FHIT: variants seen among roughly 807,000 people sequenced by gnomAD.
FHIT encodes fragile histidine triad diadenosine triphosphatase.
In FHIT, 19 loss-of-function variants were observed where a neutral mutation model predicts 17.9. That is an observed-to-expected ratio of 1.06 (90% CI 0.74 to 1.56). The LOEUF (loss-of-function observed/expected upper bound fraction) is 1.56. Ranked by LOEUF, FHIT falls within the 40% of genes most tolerant of loss-of-function variation. FHIT has a pLI of 0.00. For missense variants in FHIT, 248 were observed against 189.2 expected, an observed-to-expected ratio of 1.31 and a Z score of -1.82; for synonymous variants, 81 against 69.7, an observed-to-expected ratio of 1.16 and a Z score of -0.81.
At chr3:60,664,166 G>C (rs2040327163) in intron 4 of FHIT, among the ~76,000 whole-genome samples, 1 of 152,110 alleles carries the variant, frequency 6.6e-6, no homozygotes, top group South Asian at 2.1e-4. Flanking sequence ...GTTGGATTTT[G>C]TCAGACGCCT....
At chr3:60,520,389 G>C (rs1017484953) in intron 5 of FHIT, among the ~76,000 whole-genome samples, 3 of 152,084 alleles carry the variant, frequency 2.0e-5, no homozygotes, top group Non-Finnish European at 4.4e-5. Context: ...AGTAGTATCA[G>C]AACTACATTA....
At chr3:59,929,018 A>G (rs982724954) in intron 7 of FHIT, among the ~76,000 whole-genome samples, 18 of 150,784 alleles carry the variant, frequency 1.2e-4, no homozygotes, top group African/African-American at 4.1e-4. Flanking sequence ...AAAAAAAAAA[A>G]AAGGACAGAT....
At chr3:60,435,699 T>C (rs568067154) in intron 5 of FHIT, among the ~76,000 whole-genome samples, 81 of 152,120 alleles carry the variant, frequency 5.3e-4, no homozygotes, top group Middle Eastern at 3.2e-3. Context: ...GCAGGTTTCT[T>C]ACACAGGTAA....
chr3:60,016,025 T>C (rs17061814), intron 5 of FHIT, among the ~76,000 whole-genome samples: 3,821 of 152,296 alleles, frequency 0.025, 149 homozygotes, highest in African/African-American at 0.085. Flanking sequence ...ACAGATGCAA[T>C]ATAATTTAAT....
chr3:60,144,066 A>AATC (rs1576194175), intron 5 of FHIT, among the ~76,000 whole-genome samples: 1 of 152,160 alleles, frequency 6.6e-6, no homozygotes, highest in African/African-American at 2.4e-5. Flanking sequence ...CTGAGAAATC[A>AATC]GTCTCTTCAA....
intron 5 of FHIT, among the ~76,000 whole-genome samples, chr3:60,294,478 A>G (rs187160505): frequency 2.0e-5 from 3 of 152,306 alleles, no homozygotes; most frequent in South Asian, 2.1e-4. Context: ...TAATTTTATT[A>G]TATACACTTT....
intron 5 of FHIT, among the ~76,000 whole-genome samples, chr3:60,059,713 C>G (rs1272576685): frequency 6.6e-6 from 1 of 152,090 alleles, no homozygotes; most frequent in Non-Finnish European, 1.5e-5. Flanking sequence ...TTCATTGCCC[C>G]CAACAAAAAG....
chr3:60,444,970 T>C (rs2031216970), intron 5 of FHIT, among the ~76,000 whole-genome samples: 1 of 152,126 alleles, frequency 6.6e-6, no homozygotes, highest in South Asian at 2.1e-4. Flanking sequence ...CCAAAGACCC[T>C]AGTTCCGTTA....
At chr3:60,150,228 C>G (rs1700407668) in intron 5 of FHIT, among the ~76,000 whole-genome samples, 1 of 151,980 alleles carries the variant, frequency 6.6e-6, no homozygotes, top group Non-Finnish European at 1.5e-5. Flanking sequence ...AGCTCCTGAC[C>G]TCAGGTGGTC....
At chr3:60,638,998 G>T (rs2039659049) in intron 4 of FHIT, among the ~76,000 whole-genome samples, 1 of 144,412 alleles carries the variant, frequency 6.9e-6, no homozygotes, top group Admixed American at 7.1e-5. Flanking sequence ...TGTGATAGAT[G>T]CATAAATTAA....
At chr3:61,042,375 A>C (rs2033559847) in intron 2 of FHIT, among the ~76,000 whole-genome samples, 2 of 152,232 alleles carry the variant, frequency 1.3e-5, no homozygotes, top group Admixed American at 6.5e-5. Flanking sequence ...ATTGAAACTT[A>C]AAGTGTTCAA....
chr3:60,197,467 T>C (rs1364433518), intron 5 of FHIT, among the ~76,000 whole-genome samples: 1 of 152,220 alleles, frequency 6.6e-6, no homozygotes, highest in Non-Finnish European at 1.5e-5. Context: ...CAGTACTGGA[T>C]TAAAACAATG....
At chr3:61,234,559 T>C (rs907613638) in intron 1 of FHIT, among the ~76,000 whole-genome samples, 1 of 152,170 alleles carries the variant, frequency 6.6e-6, no homozygotes, top group African/African-American at 2.4e-5. Flanking sequence ...CAAATATGCA[T>C]GCAATAAAAA....
chr3:61,020,666 A>G (rs1241570292), intron 3 of FHIT, among the ~76,000 whole-genome samples: 2 of 152,206 alleles, frequency 1.3e-5, no homozygotes, highest in Non-Finnish European at 2.9e-5. Context: ...ATTCACACAT[A>G]ACAATATTAA....
chr3:60,070,670 G>A (rs942607585), intron 5 of FHIT, among the ~76,000 whole-genome samples: 4 of 150,246 alleles, frequency 2.7e-5, no homozygotes, highest in Middle Eastern at 3.5e-3. Context: ...GAGGTCACAG[G>A]CAAACAGAGT....
chr3:60,086,658 G>A (rs1703506065), intron 5 of FHIT, among the ~76,000 whole-genome samples: 1 of 152,216 alleles, frequency 6.6e-6, no homozygotes, highest in Non-Finnish European at 1.5e-5. Context: ...CTGAAACTTA[G>A]CCGGGCAGAC....
intron 4 of FHIT, among the ~76,000 whole-genome samples, chr3:60,789,495 C>T (rs1268204903): frequency 6.6e-6 from 1 of 152,050 alleles, no homozygotes; most frequent in African/African-American, 2.4e-5. Context: ...TCCAGCCTGG[C>T]GACAGAGTGA....
At chr3:60,524,099 C>T (rs772824079) in intron 5 of FHIT, among the ~76,000 whole-genome samples, 2 of 152,112 alleles carry the variant, frequency 1.3e-5, no homozygotes, top group Non-Finnish European at 2.9e-5. Context: ...CTGAACACCT[C>T]CTATGAGCCT....
At chr3:59,867,312 C>T (rs1481109299) in intron 8 of FHIT, among the ~76,000 whole-genome samples, 1 of 150,824 alleles carries the variant, frequency 6.6e-6, no homozygotes, top group East Asian at 2.0e-4. Flanking sequence ...AGGATGATTT[C>T]TAAGAAGTTA....
Sources: allele counts gnomAD v4.1 joint callset (sites outside exome capture counted in the v4.1 genomes callset), GRCh38; gene constraint gnomAD v4.1.1; transcripts MANE v1.5; gene names NCBI Gene and HGNC (gene_info 2026-07-23, HGNC 2026-07-21).